Variants in ITGBL1 observed in about 807,000 individuals in gnomAD.
ITGBL1 encodes the protein integrin beta-like protein 1.
In ITGBL1, 51 loss-of-function variants were observed where a neutral mutation model predicts 68.5. That is an observed-to-expected ratio of 0.74 (90% confidence interval 0.59 to 0.94). The LOEUF (loss-of-function observed/expected upper bound fraction) is 0.94, where lower values mean the gene tolerates loss of function less well. ITGBL1 is among the 40% of genes least tolerant of loss of function. The pLI is 0.00. For missense variants in ITGBL1, 649 were observed against 647.4 expected, an observed-to-expected ratio of 1.00 and a Z score of -0.03; for synonymous variants, 209 against 227.3, an observed-to-expected ratio of 0.92 and a Z score of 0.72.
At chr13:101,591,957 T>C (rs2050663365) in intron 6 of ITGBL1, among the ~76,000 whole-genome samples, 4 of 152,170 alleles carry the variant, frequency 2.6e-5, no homozygotes. Flanking sequence ...AGCTCCTTTT[T>C]ATGTAGCTTT....
At chr13:101,612,970 G>T (rs1479849872) in intron 7 of ITGBL1, among the ~76,000 whole-genome samples, 2 of 152,106 alleles carry the variant, frequency 1.3e-5, no homozygotes, top group Non-Finnish European at 2.9e-5. Flanking sequence ...GCTCTGAGGG[G>T]GCAGGGATGG....
chr13:101,546,445 C>T lies in ITGBL1; in HGVS notation c.317-21254C>T, dbSNP rs553615989. Among the ~76,000 whole-genome samples, 6 of 151,182 alleles carry T rather than the reference C, an allele frequency of 4.0e-5. No homozygotes were observed. In the South Asian group the frequency reaches 1.1e-3, roughly 27 times the overall value. On this transcript the variant is annotated intron_variant, in intron 2 of 10. Coordinates refer to ENST00000376180, the MANE Select transcript of ITGBL1 (RefSeq NM_004791.3). ...AATGAACATTTTAAGGGTCCAAAATCGAAGTAAGAAAATAACAGAATAAAC... is the reference window on the plus strand; with the variant it reads ...AATGAACATTTTAAGGGTCCAAAATTGAAGTAAGAAAATAACAGAATAAAC...
intron 2 of ITGBL1, among the ~76,000 whole-genome samples, chr13:101,497,139 T>C (rs1375964937): frequency 6.6e-6 from 1 of 152,214 alleles, no homozygotes; most frequent in African/African-American, 2.4e-5. Flanking sequence ...GAAGCTAGAA[T>C]TGTGGCCCTT....
At chr13:101,690,599 G>A (rs1007489627) in intron 7 of ITGBL1, among the ~76,000 whole-genome samples, 2 of 152,022 alleles carry the variant, frequency 1.3e-5, no homozygotes, top group Non-Finnish European at 2.9e-5. Context: ...TGCATTATTG[G>A]AATCATTTGC....
intron 2 of ITGBL1, among the ~76,000 whole-genome samples, chr13:101,529,364 T>G (rs1052045228): frequency 9.9e-5 from 15 of 152,166 alleles, no homozygotes; most frequent in Non-Finnish European, 7.4e-5. Flanking sequence ...AACTACGTGT[T>G]GAAACAGCAT....
Position 101,493,209 on chromosome 13 carries a change from C to G in ITGBL1, c.316+39109C>G, listed in dbSNP as rs1335587. ...TTTATAAATAAAGGGCCAGCTGAAC[C>G]GTATGAGTTTCTTACTTAGCAGAAT... On this transcript the variant is annotated intron_variant, in intron 2 of 10. Coordinates refer to ENST00000376180, the MANE Select transcript of ITGBL1 (RefSeq NM_004791.3). Among the ~76,000 whole-genome samples the G allele has an allele frequency of 2.6e-5, 4 of 151,872 alleles. No homozygotes were observed. The South Asian group carries it at 8.3e-4, about 31-fold the overall frequency.
intron 2 of ITGBL1, among the ~76,000 whole-genome samples, chr13:101,553,533 CAG>C (rs1449966654): frequency 2.0e-5 from 3 of 152,124 alleles, no homozygotes; most frequent in African/African-American, 7.2e-5. Flanking sequence ...GTTACTATAA[CAG>C]AGTGCCACAA....
intron 2 of ITGBL1, among the ~76,000 whole-genome samples, chr13:101,507,748 A>G (rs890096639): frequency 1.9e-4 from 29 of 152,128 alleles, no homozygotes; most frequent in Non-Finnish European, 1.5e-5. Context: ...TTTAAGGCAA[A>G]ATAGATATAA....
At chr13:101,476,101 G>C (rs1458288336) in intron 2 of ITGBL1, among the ~76,000 whole-genome samples, 1 of 152,050 alleles carries the variant, frequency 6.6e-6, no homozygotes, top group Non-Finnish European at 1.5e-5. Context: ...TGAGTAGAAA[G>C]ACTAAAAGAT....
chr13:101,455,483 T>A (rs1475358018), intron 2 of ITGBL1, among the ~76,000 whole-genome samples: 1 of 151,910 alleles, frequency 6.6e-6, no homozygotes, highest in Admixed American at 6.6e-5. Context: ...CCTCGCCAAC[T>A]TGCTGAAACC....
chr13:101,604,879 T>TACACAC (rs1307529776), intron 7 of ITGBL1, among the ~76,000 whole-genome samples: 24 of 13,312 alleles, frequency 1.8e-3, no homozygotes, highest in East Asian at 6.0e-3. Context: ...TATATATATA[T>TACACAC]ATATATATAC....
intron 8 of ITGBL1, among the ~76,000 whole-genome samples, chr13:101,700,962 C>G (rs1594991694): frequency 1.3e-5 from 2 of 152,232 alleles, no homozygotes; most frequent in East Asian, 3.9e-4. Flanking sequence ...ATTTTCTTCC[C>G]TAGAAGACCG....
At chr13:101,454,166 C>A (rs2048206965) in intron 2 of ITGBL1, 66 bp downstream of exon 2, 4 of 1,250,978 alleles carry the variant, frequency 3.2e-6, no homozygotes, top group Non-Finnish European at 4.3e-6. Context: ...TTCTGCCACT[C>A]CCTAGAAGAG....
intron 6 of ITGBL1, 72 bp downstream of exon 6, chr13:101,583,428 AAG>A: frequency 8.3e-7 from 1 of 1,198,830 alleles, no homozygotes; most frequent in South Asian, 1.8e-5. Flanking sequence ...AAAAAAAAAA[AAG>A]CAATTAGAAA....
chr13:101,480,601 A>G (rs755059465), intron 2 of ITGBL1, among the ~76,000 whole-genome samples: 10 of 152,086 alleles, frequency 6.6e-5, no homozygotes, highest in Non-Finnish European at 1.2e-4. Context: ...TGATTATTAC[A>G]CATTCTATGC....
intron 6 of ITGBL1, among the ~76,000 whole-genome samples, chr13:101,593,556 G>T (rs927372861): frequency 1.3e-5 from 2 of 151,756 alleles, no homozygotes; most frequent in African/African-American, 4.8e-5. Flanking sequence ...AAAAAATTGT[G>T]GTATATATAC....
At chr13:101,581,010 C>CAT (rs931412400) in intron 5 of ITGBL1, among the ~76,000 whole-genome samples, 2 of 144,576 alleles carry the variant, frequency 1.4e-5, no homozygotes, top group African/African-American at 4.9e-5. Flanking sequence ...TGAGATGAGT[C>CAT]ATTTTTTTTT....
At chr13:101,565,240 A>G (rs1566734151) in intron 2 of ITGBL1, among the ~76,000 whole-genome samples, 2 of 152,176 alleles carry the variant, frequency 1.3e-5, no homozygotes, top group Non-Finnish European at 2.9e-5. Context: ...ACCTTGCCAC[A>G]ATAATATAGC....
intron 7 of ITGBL1, among the ~76,000 whole-genome samples, chr13:101,621,400 A>G (rs1186261571): frequency 6.6e-6 from 1 of 152,146 alleles, no homozygotes; most frequent in Non-Finnish European, 1.5e-5. Flanking sequence ...CCCCTTGCAG[A>G]CATTCCAGCA....
Sources: gnomAD v4.1 joint callset for allele counts (sites outside exome capture counted in the v4.1 genomes callset) on GRCh38, gnomAD v4.1.1 for gene constraint, MANE v1.5 for transcripts, NCBI Gene and HGNC (gene_info 2026-07-23, HGNC 2026-07-21) for gene names.